ZNF700: variants seen among roughly 807,000 people sequenced by gnomAD.
The protein encoded by ZNF700 is zinc finger protein 700.
In ZNF700, 38 loss-of-function variants were observed where a neutral mutation model predicts 65.3. The ratio of observed to expected loss-of-function variants is 0.58; its 90% CI spans 0.45 to 0.76. The LOEUF is 0.76. Ranked by LOEUF, ZNF700 falls within the 30% of genes least tolerant of loss-of-function variation. The pLI is 0.00. For missense variants in ZNF700, 857 were observed against 888.4 expected, an observed-to-expected ratio of 0.96 and a Z score of 0.45; for synonymous variants, 285 against 290.4, an observed-to-expected ratio of 0.98 and a Z score of 0.19.
intron 1 of ZNF700, among the ~76,000 whole-genome samples, chr19:11,935,581 C>A (rs1362355512): frequency 6.6e-6 from 1 of 151,892 alleles, no homozygotes; most frequent in Non-Finnish European, 1.5e-5. Context: ...AATTTTAGGA[C>A]TTCTTCATAC....
intron 1 of ZNF700, among the ~76,000 whole-genome samples, chr19:11,938,222 C>T (rs1972827323): frequency 6.6e-6 from 1 of 152,100 alleles, no homozygotes; most frequent in Non-Finnish European, 1.5e-5. Flanking sequence ...GTACACACCA[C>T]CACACCTGGC....
chr19:11,947,289 A>G lies in ZNF700; in HGVS notation c.172A>G (p.Arg58Gly). The G allele has an allele frequency of 6.2e-7, 1 of 1,614,046 alleles. No homozygotes were observed. The highest frequency in any genetic ancestry group is 8.5e-7 in the Non-Finnish European group (1 of 1,179,982). The change falls in exon 2 of 4, where the codon AGG (arginine) becomes GGG (glycine). Residue 58 changes from arginine to glycine, a missense_variant. By Grantham distance (125) the Arg-to-Gly change is moderately radical. This residue lies in a region of ZNF700 where 603 missense variants were observed against 619.9 expected (regional missense o/e 0.97). Transcript: ENST00000254321. ...LFREVMLETF[R>G]NLTSIGKKWS... is the part of the protein sequence containing the mutation. ...CAGGGAAGTGATGCTGGAAACTTTC[A>G]GGAACCTGACCTCTATAGGTAAGGA...
intron 1 of ZNF700, among the ~76,000 whole-genome samples, chr19:11,943,213 A>C (rs758116384): frequency 2.6e-5 from 4 of 152,232 alleles, no homozygotes; most frequent in Non-Finnish European, 4.4e-5. Context: ...CTGTACAGGC[A>C]CATGTGCCAA....
rs1228356685 is a variant in ZNF700, at chr19:11,930,994, C to T, written c.63+5721C>T. Among the ~76,000 whole-genome samples, 40 of 143,158 alleles carry T rather than the reference C, an allele frequency of 2.8e-4. 7 individuals carry two copies. The highest frequency in any genetic ancestry group is 1.0e-3 in the African/African-American group (35 of 34,830). 93.9% of individuals were successfully genotyped at this position (143,158 alleles called of 152,430 possible). On this transcript the variant is annotated intron_variant, in intron 1 of 3. Coordinates refer to ENST00000254321, the MANE Select transcript of ZNF700 (RefSeq NM_144566.3). ...AGCCAGGGCAACAAGAACAAAATTCCGTCTCAAAAAAAAAAAAAACAACAT... is the reference window on the plus strand; with the variant it reads ...AGCCAGGGCAACAAGAACAAAATTCTGTCTCAAAAAAAAAAAAAACAACAT...
At chr19:11,937,209 G>T (rs1275753330) in intron 1 of ZNF700, among the ~76,000 whole-genome samples, 1 of 152,134 alleles carries the variant, frequency 6.6e-6, no homozygotes. Context: ...TGTGAGTTTT[G>T]CATTTTCCAT....
chr19:11,941,177 G>A (rs1972876636), intron 1 of ZNF700, among the ~76,000 whole-genome samples: 1 of 152,242 alleles, frequency 6.6e-6, no homozygotes, highest in Non-Finnish European at 1.5e-5. Flanking sequence ...CAATCCCTGG[G>A]CTAGACATAA....
intron 1 of ZNF700, among the ~76,000 whole-genome samples, chr19:11,935,824 A>G (rs1251334915): frequency 1.3e-5 from 2 of 152,154 alleles, no homozygotes; most frequent in South Asian, 2.1e-4. Context: ...TGTCATTTAC[A>G]TTCGGTATTT....
At chr19:11,942,007 G>T (rs1219545487) in intron 1 of ZNF700, among the ~76,000 whole-genome samples, 1 of 152,070 alleles carries the variant, frequency 6.6e-6, no homozygotes, top group African/African-American at 2.4e-5. Flanking sequence ...GGAGTTTCTC[G>T]TTTGGCCTCT....
Position 11,939,330 on chromosome 19 carries a change from G to A in ZNF700, c.64-7851G>A, listed in dbSNP as rs528249248. On this transcript the variant is annotated intron_variant, in intron 1 of 3. Transcript: ENST00000254321. The stretch of plus-strand genomic sequence containing the variant: ...CCTATGTCTGAATGGTATTGCCTAG[G>A]TTTTCTTCTAGGGTTTTTATGGTTT... Among the ~76,000 whole-genome samples the A allele has an allele frequency of 4.6e-5, 7 of 152,260 alleles. No individual in the cohort carries two copies. In the South Asian group the frequency reaches 1.5e-3, roughly 32 times the overall value.
chr19:11,940,878 A>G (rs1049720341), intron 1 of ZNF700, among the ~76,000 whole-genome samples: 1 of 152,260 alleles, frequency 6.6e-6, no homozygotes, highest in African/African-American at 2.4e-5. Context: ...AGGTTCTCCA[A>G]GGCCCCACCA....
At chr19:11,927,473 AAAAG>A (rs1297408785) in intron 1 of ZNF700, among the ~76,000 whole-genome samples, 3 of 150,894 alleles carry the variant, frequency 2.0e-5, no homozygotes, top group Admixed American at 6.6e-5. Flanking sequence ...TAGAAAAGGA[AAAAG>A]AAAGAAAAAG....
chr19:11,944,099 G>A (rs749047466), intron 1 of ZNF700, among the ~76,000 whole-genome samples: 4 of 152,152 alleles, frequency 2.6e-5, no homozygotes, highest in Non-Finnish European at 4.4e-5. Flanking sequence ...TATTACCTGG[G>A]GAGAAAGGGT....
In ZNF700 at chr19:11,950,626, A is replaced by G; in HGVS notation, c.*373A>G. 5.0e-6 allele frequency: 2 copies of G among 400,168 alleles called. No homozygotes were observed. Among genetic ancestry groups the G allele is most frequent in the Non-Finnish European group, 9.7e-6 (2 of 205,884 alleles). 24.8% of individuals were successfully genotyped at this position (400,168 alleles called of 1,614,324 possible). A position where few individuals can be genotyped will look rare whatever the true frequency, so the allele number is the denominator to read the frequency against. ...TGGGAGAAACTCTATGAATGTAAGC[A>G]GTATGGGAAAGCCTTCAGATCTGCC... On this transcript the variant is annotated 3_prime_UTR_variant, in exon 4 of 4. Coordinates refer to ENST00000254321, the MANE Select transcript of ZNF700 (RefSeq NM_144566.3).
At chr19:11,939,461 A>C (rs1292073900) in intron 1 of ZNF700, among the ~76,000 whole-genome samples, 1 of 152,198 alleles carries the variant, frequency 6.6e-6, no homozygotes, top group Non-Finnish European at 1.5e-5. Flanking sequence ...CAGTTCTCCC[A>C]GCACCATTTA....
At chr19:11,934,502 C>CT (rs1193196872) in intron 1 of ZNF700, among the ~76,000 whole-genome samples, 5 of 147,616 alleles carry the variant, frequency 3.4e-5, no homozygotes, top group African/African-American at 5.3e-5. Flanking sequence ...TCATTGTTTT[C>CT]TTTTTTTTCT....
At chr19:11,944,506 C>T (rs1056801578) in intron 1 of ZNF700, among the ~76,000 whole-genome samples, 10 of 152,196 alleles carry the variant, frequency 6.6e-5, no homozygotes, top group African/African-American at 1.7e-4. Context: ...CAGCCACAAA[C>T]GCTGGCCTGT....
At chr19:11,944,245 A>G (rs530651872) in intron 1 of ZNF700, among the ~76,000 whole-genome samples, 26 of 152,290 alleles carry the variant, frequency 1.7e-4, no homozygotes, top group South Asian at 1.2e-3. Context: ...GGAAGTCCCC[A>G]TACTATGGGA....
rs771825433 is a variant in ZNF700 at position 11,949,110 on chromosome 19, T to C, written c.1086T>C (p.Tyr362=). ...HIRMNSGERP[Y]KCKICGKGFY... ...GAATGAACTCTGGAGAAAGACCTTA[T>C]AAATGTAAGATATGTGGGAAAGGCT... The change falls in exon 4 of 4, where the codon TAT becomes TAC. Residue 362 remains tyrosine (Y), a synonymous_variant. Transcript: ENST00000254321. 4.0e-5 allele frequency: 64 copies of C among 1,612,360 alleles called. 1 individual carries two copies. The South Asian group carries it at 7.1e-4, about 18-fold the overall frequency.
chr19:11,950,582 G>A lies in ZNF700; in HGVS notation c.*329G>A. On this transcript the variant is annotated 3_prime_UTR_variant, in exon 4 of 4. Coordinates refer to ENST00000254321, the MANE Select transcript of ZNF700 (RefSeq NM_144566.3). ...TCAGATGTGCCTCGCACCTTCAACGGCATGGAAGGGTTCACACTTGGGAGA... is the reference window on the plus strand; with the variant it reads ...TCAGATGTGCCTCGCACCTTCAACGACATGGAAGGGTTCACACTTGGGAGA... 6.0e-6 allele frequency: 3 copies of A among 503,432 alleles called. No homozygotes were observed. Among genetic ancestry groups the A allele is most frequent in the Non-Finnish European group, 1.1e-5 (3 of 263,868 alleles). The allele number at this position is 503,432 out of a possible 1,614,324, so 31.2% of individuals were successfully genotyped here.
Sources: gnomAD v4.1 joint callset for allele counts (sites outside exome capture counted in the v4.1 genomes callset) on GRCh38, gnomAD v4.1.1 for gene constraint, gnomAD v4.1.1 regional missense constraint, MANE v1.5 for transcripts, NCBI Gene and HGNC (gene_info 2026-07-23, HGNC 2026-07-21) for gene names.